Variants in KCNAB1 observed in about 807,000 individuals in gnomAD.
KCNAB1 encodes the protein voltage-gated potassium channel subunit beta-1.
KCNAB1 carries 35 observed loss-of-function variants against 64.6 expected under a neutral mutation model. That is an observed-to-expected ratio of 0.54 (90% CI 0.41 to 0.72). The LOEUF (loss-of-function observed/expected upper bound fraction) is 0.72, where lower values mean the gene tolerates loss of function less well. Among genes scored for constraint, KCNAB1 ranks in the 30% least tolerant of loss-of-function variants. KCNAB1 has a pLI of 0.00. For synonymous variants in KCNAB1, 177 were observed against 183.8 expected, an observed-to-expected ratio of 0.96 and a Z score of 0.30; for missense variants, 401 against 512.9, an observed-to-expected ratio of 0.78 and a Z score of 2.11.
intron 1 of KCNAB1, among the ~76,000 whole-genome samples, chr3:156,272,374 C>G (rs1460313823): frequency 6.6e-6 from 1 of 152,194 alleles, no homozygotes; most frequent in Non-Finnish European, 1.5e-5. Context: ...CCTTAGAAAT[C>G]TAGGTGGCAC....
intron 2 of KCNAB1, among the ~76,000 whole-genome samples, chr3:156,443,654 TCATTTGGC>T (rs1450839427): frequency 2.0e-5 from 3 of 152,086 alleles, no homozygotes; most frequent in Non-Finnish European, 4.4e-5. Context: ...GATGTCTTTC[TCATTTGGC>T]CATAGTTTCC....
chr3:156,293,354 T>A (rs1720578139), intron 1 of KCNAB1, among the ~76,000 whole-genome samples: 1 of 152,252 alleles, frequency 6.6e-6, no homozygotes, highest in South Asian at 2.1e-4. Flanking sequence ...CATATCTAAC[T>A]ATCTCTTGTC....
chr3:156,290,084 G>C (rs1553841147), intron 1 of KCNAB1, among the ~76,000 whole-genome samples: 1 of 152,182 alleles, frequency 6.6e-6, no homozygotes, highest in Non-Finnish European at 1.5e-5. Context: ...CAGGGACTTG[G>C]TAGAAGTGTG....
intron 1 of KCNAB1, among the ~76,000 whole-genome samples, chr3:156,168,110 G>A (rs1319023436): frequency 2.6e-5 from 4 of 152,084 alleles, no homozygotes; most frequent in Non-Finnish European, 5.9e-5. Context: ...GACTGAGGTG[G>A]GAGGATAGCA....
At chr3:156,297,154 C>T (rs1720841060) in intron 1 of KCNAB1, among the ~76,000 whole-genome samples, 1 of 152,152 alleles carries the variant, frequency 6.6e-6, no homozygotes, top group South Asian at 2.1e-4. Context: ...TCCACTCCCC[C>T]TTCTCCAATT....
chr3:156,469,961 G>A (rs1421059529), intron 7 of KCNAB1, among the ~76,000 whole-genome samples: 1 of 152,206 alleles, frequency 6.6e-6, no homozygotes, highest in East Asian at 1.9e-4. Context: ...CGACATTGGA[G>A]ATTTGTATAC....
At chr3:156,279,659 C>G (rs1480887073) in intron 1 of KCNAB1, among the ~76,000 whole-genome samples, 2 of 152,298 alleles carry the variant, frequency 1.3e-5, no homozygotes, top group South Asian at 2.1e-4. Context: ...GATTGCCATT[C>G]TAACTGGTGT....
intron 1 of KCNAB1, among the ~76,000 whole-genome samples, chr3:156,149,339 C>T (rs1004815749): frequency 2.0e-5 from 3 of 151,954 alleles, no homozygotes; most frequent in Non-Finnish European, 2.9e-5. Context: ...CTCGAGTATC[C>T]GAGCATGGTA....
At chr3:156,338,132 A>G (rs1459269306) in intron 1 of KCNAB1, among the ~76,000 whole-genome samples, 1 of 152,058 alleles carries the variant, frequency 6.6e-6, no homozygotes, top group Non-Finnish European at 1.5e-5. Flanking sequence ...GCTTCAAGGA[A>G]GGATTCACAA....
rs1712948415 is a variant in KCNAB1, at chr3:156,461,989, C to G, written c.483-1713C>G. Among the ~76,000 whole-genome samples the G allele has an allele frequency of 2.0e-5, 3 of 152,172 alleles. No homozygotes were observed. In the South Asian group the frequency reaches 6.2e-4, roughly 31 times the overall value. Reference sequence around the variant, plus strand: ...GCTACCACTTGCTAGCTGTGTTATCCAGGACAAGTTATTACACCTCTCTGA... The same window carrying G: ...GCTACCACTTGCTAGCTGTGTTATCGAGGACAAGTTATTACACCTCTCTGA... On this transcript the variant is annotated intron_variant, in intron 5 of 13. Coordinates refer to ENST00000490337, the MANE Select transcript of KCNAB1 (RefSeq NM_172160.3).
chr3:156,519,467 A>G (rs1378731863), intron 11 of KCNAB1, among the ~76,000 whole-genome samples: 1 of 152,194 alleles, frequency 6.6e-6, no homozygotes, highest in African/African-American at 2.4e-5. Context: ...TGCTAAAGAC[A>G]AAGCTTGGTT....
At chr3:156,291,683 T>G in intron 1 of KCNAB1, 2 of 1,407,252 alleles carry the variant, frequency 1.4e-6, no homozygotes, top group Non-Finnish European at 1.8e-6. Flanking sequence ...GGCCGTCTGT[T>G]TACTTCTCTG....
At chr3:156,166,700 T>C (rs1435465190) in intron 1 of KCNAB1, among the ~76,000 whole-genome samples, 1 of 152,182 alleles carries the variant, frequency 6.6e-6, no homozygotes, top group Non-Finnish European at 1.5e-5. Context: ...TTTGCTTTTG[T>C]GGTAATTGCA....
At chr3:156,425,994 G>A (rs541608679) in intron 2 of KCNAB1, among the ~76,000 whole-genome samples, 1 of 152,180 alleles carries the variant, frequency 6.6e-6, no homozygotes. Context: ...AGACTCCACC[G>A]AGGGGAGGTA....
At chr3:156,211,351 G>C (rs1421454065) in intron 1 of KCNAB1, among the ~76,000 whole-genome samples, 2 of 152,152 alleles carry the variant, frequency 1.3e-5, no homozygotes, top group African/African-American at 4.8e-5. Context: ...ATAATTATCT[G>C]CAATGGTTAA....
At chr3:156,232,081 C>T (rs1018977702) in intron 1 of KCNAB1, among the ~76,000 whole-genome samples, 1 of 151,986 alleles carries the variant, frequency 6.6e-6, no homozygotes, top group Admixed American at 6.6e-5. Flanking sequence ...TGTATGTATC[C>T]CTTATTCAAC....
chr3:156,308,863 C>T (rs180690643), intron 1 of KCNAB1, among the ~76,000 whole-genome samples: 1 of 152,194 alleles, frequency 6.6e-6, no homozygotes, highest in East Asian at 1.9e-4. Context: ...ATGGATGGTG[C>T]ATTTTTCAAC....
chr3:156,373,537 T>G (rs539960331), intron 1 of KCNAB1, among the ~76,000 whole-genome samples: 1 of 152,368 alleles, frequency 6.6e-6, no homozygotes, highest in Non-Finnish European at 1.5e-5. Context: ...TAAATGTTTA[T>G]TATCCTGTAA....
chr3:156,524,094 G>A, intron 12 of KCNAB1, 147 bp downstream of exon 12: 1 of 806,138 alleles, frequency 1.2e-6, no homozygotes, highest in Non-Finnish European at 1.8e-6. Context: ...AATATAAAGT[G>A]AGTTATTTGA....
Sources: gnomAD v4.1 joint callset for allele counts (sites outside exome capture counted in the v4.1 genomes callset) on GRCh38, gnomAD v4.1.1 for gene constraint, MANE v1.5 for transcripts, NCBI Gene and HGNC (gene_info 2026-07-23, HGNC 2026-07-21) for gene names.